The following SCIN variants were observed in gnomAD, a reference collection of about 807,000 sequenced individuals.
The protein encoded by SCIN is adseverin.
Under a neutral mutation model 91.8 loss-of-function variants are expected in SCIN, and 91 were observed. The ratio of observed to expected loss-of-function variants is 0.99; its 90% CI spans 0.84 to 1.18. The LOEUF (loss-of-function observed/expected upper bound fraction) is 1.18. SCIN is among the 50% of genes most tolerant of loss of function. SCIN has a pLI of 0.00. For synonymous variants in SCIN, 367 were observed against 312.6 expected (o/e 1.17, Z -1.84); for missense variants, 1,087 against 863.9 (o/e 1.26, Z -3.24).
chr7:12,571,023 G>C (rs1018915531), intron 1 of SCIN, 38 bp downstream of exon 1: 10 of 1,530,666 alleles, frequency 6.5e-6, no homozygotes, highest in South Asian at 1.2e-5. Flanking sequence ...GACGCACCAA[G>C]GCCGGCGAGG....
Position 12,634,606 on chromosome 7 carries a change from G to T in SCIN, c.1320-1439G>T, listed in dbSNP as rs116733833. On this transcript the variant is annotated intron_variant, in intron 9 of 15. Transcript: ENST00000297029. ...GTCTAAATCCAAGTTTAGTATTCCT[G>T]CTGCTAAGCTAACCACTAGTCAAAT... 4.1e-3 allele frequency among the ~76,000 whole-genome samples: 625 copies of T among 152,252 alleles called. 5 individuals carry two copies. Among genetic ancestry groups the T allele is most frequent in the African/African-American group, 0.015 (603 of 41,534 alleles).
Position 12,644,714 on chromosome 7 carries a change from CCT to C in SCIN, c.1881+10_1881+11del. 6.4e-7 allele frequency: 1 copy of C among 1,554,472 alleles called. No individual in the cohort carries two copies. The highest frequency in any genetic ancestry group is 8.7e-7 in the Non-Finnish European group (1 of 1,148,598). On this transcript the variant is annotated intron_variant, in intron 13 of 15. Coordinates refer to ENST00000297029, the MANE Select transcript of SCIN (RefSeq NM_001112706.3). ...AAACTGGAAGATTTGTTGTAAGTGT[CCT>C]TAAAAATAGTGCGATAGGGCTGGTT...
chr7:12,587,545 A>G (rs1782614421), intron 3 of SCIN, among the ~76,000 whole-genome samples: 1 of 152,140 alleles, frequency 6.6e-6, no homozygotes, highest in South Asian at 2.1e-4. Flanking sequence ...ATATCACTAC[A>G]ACACCCTTTC....
At chr7:12,639,253 TGCTAA>T (rs1783811510) in intron 10 of SCIN, among the ~76,000 whole-genome samples, 1 of 152,350 alleles carries the variant, frequency 6.6e-6, no homozygotes, top group African/African-American at 2.4e-5. Context: ...TTATATGAAA[TGCTAA>T]GCTAACAGTT....
intron 13 of SCIN, 27 bp downstream of exon 13, chr7:12,644,732 A>G: frequency 1.3e-6 from 2 of 1,547,436 alleles, no homozygotes; most frequent in Non-Finnish European, 1.7e-6. Flanking sequence ...ATAGTGCGAT[A>G]GGGCTGGTTG....
chr7:12,650,461 T>A (rs1010951816), intron 14 of SCIN, among the ~76,000 whole-genome samples: 1 of 152,248 alleles, frequency 6.6e-6, no homozygotes, highest in African/African-American at 2.4e-5. Context: ...TGGGTACTTT[T>A]TGGAAGATTT....
intron 13 of SCIN, among the ~76,000 whole-genome samples, chr7:12,646,203 T>C (rs1783962299): frequency 6.6e-6 from 1 of 152,224 alleles, no homozygotes; most frequent in Non-Finnish European, 1.5e-5. Flanking sequence ...CATGTCTTAG[T>C]TCAAGCTCCT....
rs1423734396 is a variant in SCIN at position 12,580,960 on chromosome 7, C to CTG, written c.355-100_355-99insTG. The stretch of plus-strand genomic sequence containing the variant: ...CTTGGCCTGACAGGTACAGTTTTGG[C>CTG]ACAAACACCAGCAGTATTATTGTGC... On this transcript the variant is annotated intron_variant, in intron 2 of 15. Coordinates refer to ENST00000297029, the MANE Select transcript of SCIN (RefSeq NM_001112706.3). The CTG allele has an allele frequency of 3.2e-6, 4 of 1,260,876 alleles. No homozygotes were observed. In the African/African-American group the frequency reaches 6.1e-5, roughly 19 times the overall value. The allele number at this position is 1,260,876 out of a possible 1,614,324, so 78.1% of individuals were successfully genotyped here. A position where few individuals can be genotyped will look rare whatever the true frequency, so the allele number is the denominator to read the frequency against.
At chr7:12,594,633 A>G (rs772551790) in intron 3 of SCIN, among the ~76,000 whole-genome samples, 26 of 152,184 alleles carry the variant, frequency 1.7e-4, no homozygotes, top group East Asian at 1.4e-3. Flanking sequence ...CGGAGGAGAC[A>G]CCCAAGGGGG....
chr7:12,595,346 G>A (rs1297908308), intron 3 of SCIN, among the ~76,000 whole-genome samples: 7 of 152,114 alleles, frequency 4.6e-5, no homozygotes, highest in Admixed American at 2.0e-4. Context: ...GTTTATCCAC[G>A]TTTCTCGTGA....
intron 3 of SCIN, among the ~76,000 whole-genome samples, chr7:12,584,904 A>C (rs1214335050): frequency 2.0e-5 from 3 of 152,210 alleles, no homozygotes; most frequent in African/African-American, 7.2e-5. Context: ...GTCTGGGGTT[A>C]ACTCTTGGAA....
chr7:12,589,256 G>A (rs1373877228), intron 3 of SCIN, among the ~76,000 whole-genome samples: 1 of 139,410 alleles, frequency 7.2e-6, no homozygotes, highest in African/African-American at 2.7e-5. Flanking sequence ...TTGCTCTGTC[G>A]CCCAGGCTGG....
At chr7:12,577,719 G>A (rs1469896291) in intron 1 of SCIN, 1 of 409,976 alleles carries the variant, frequency 2.4e-6, no homozygotes, top group East Asian at 6.4e-5. Flanking sequence ...AGCAAAGCAT[G>A]GTGGCACGCA....
chr7:12,582,242 G>A (rs1022428331), intron 3 of SCIN, among the ~76,000 whole-genome samples: 4 of 152,122 alleles, frequency 2.6e-5, no homozygotes, highest in Admixed American at 2.0e-4. Flanking sequence ...GCATCTACTT[G>A]GGCAGTATTT....
chr7:12,587,115 A>G (rs575421985), intron 3 of SCIN, among the ~76,000 whole-genome samples: 1 of 152,328 alleles, frequency 6.6e-6, no homozygotes, highest in South Asian at 2.1e-4. Context: ...AGTGATAACT[A>G]TTTGAGGTGA....
rs554604322 is a variant in SCIN, at chr7:12,571,106, C to T, written c.199+121C>T. On this transcript the variant is annotated intron_variant, in intron 1 of 15. Coordinates refer to ENST00000297029, the MANE Select transcript of SCIN (RefSeq NM_001112706.3). ...CGCAAACTGAGCTAGCCACTCGCGC[C>T]CCCACGGGGCTGCCCTTTGGGGCCG... The T allele has an allele frequency of 1.2e-5, 13 of 1,116,940 alleles. No homozygotes were observed. In the South Asian group the frequency reaches 1.8e-4, roughly 16 times the overall value. The allele number at this position is 1,116,940 out of a possible 1,614,324, so 69.2% of individuals were successfully genotyped here.
Position 12,652,634 on chromosome 7 carries a change from A to G in SCIN, c.2067A>G (p.Thr689=), listed in dbSNP as rs746446104. 5 of 1,612,444 alleles carry G rather than the reference A, an allele frequency of 3.1e-6. No individual in the cohort carries two copies. Among genetic ancestry groups the G allele is most frequent in the Non-Finnish European group, 4.2e-6 (5 of 1,179,396 alleles). ...ACCCTTCTGGAAGAGACAAGAGGAC[A>G]CCAATTGTCATCATAAAACAGGGCC... is the stretch of plus-strand genomic sequence containing the variant. ...ETDPSGRDKR[T]PIVIIKQGHE... Residue 689 remains threonine (T), a synonymous_variant, in exon 16 of 16, where the codon ACA becomes ACG. Transcript: ENST00000297029.
At chr7:12,631,377 G>A (rs1783638378) in intron 9 of SCIN, among the ~76,000 whole-genome samples, 1 of 152,176 alleles carries the variant, frequency 6.6e-6, no homozygotes, top group South Asian at 2.1e-4. Context: ...ATCAAGTTGA[G>A]TGATCTTTGG....
At chr7:12,596,346 G>T (rs771280983) in intron 3 of SCIN, 4 of 455,962 alleles carry the variant, frequency 8.8e-6, no homozygotes, top group Non-Finnish European at 1.8e-5. Context: ...TCTCCCTGAC[G>T]TCTGCGTTTA....
Sources: allele counts gnomAD v4.1 joint callset (sites outside exome capture counted in the v4.1 genomes callset), GRCh38; gene constraint gnomAD v4.1.1; transcripts MANE v1.5; gene names NCBI Gene and HGNC (gene_info 2026-07-23, HGNC 2026-07-21).